Variants in GRSF1 observed in about 807,000 individuals in gnomAD.
GRSF1 encodes G-rich RNA sequence binding factor 1.
A neutral mutation model predicts 51.1 loss-of-function variants in GRSF1; 50 were observed. That is an observed-to-expected ratio of 0.98 (90% CI 0.78 to 1.24). GRSF1 has a LOEUF of 1.24. Among genes scored for constraint, GRSF1 ranks in the 50% most tolerant of loss-of-function variants. The pLI is 0.00. For synonymous variants in GRSF1, 293 were observed against 253.3 expected, an observed-to-expected ratio of 1.16 and a Z score of -1.49; for missense variants, 700 against 639.7, an observed-to-expected ratio of 1.09 and a Z score of -1.02.
At chr4:70,823,402 A>T (rs1733600659) in intron 9 of GRSF1, among the ~76,000 whole-genome samples, 1 of 152,014 alleles carries the variant, frequency 6.6e-6, no homozygotes, top group African/African-American at 2.4e-5. Context: ...CATCTCACAA[A>T]AAATAAATAA....
chr4:70,835,832 T>TGTG (rs1441023555), intron 2 of GRSF1, among the ~76,000 whole-genome samples: 1 of 152,174 alleles, frequency 6.6e-6, no homozygotes, highest in African/African-American at 2.4e-5. Context: ...TGTTGCCCAG[T>TGTG]GTGGTATGGA....
At position 70,831,689 on chromosome 4, in the gene GRSF1, G is replaced by A. The variant is rs984703276; in HGVS notation, c.815-15C>T. The A allele has an allele frequency of 6.3e-7, 1 of 1,596,894 alleles. No homozygotes were observed. The highest frequency in any genetic ancestry group is 1.4e-5 in the African/African-American group (1 of 73,932). On this transcript the variant is annotated splice_polypyrimidine_tract_variant and intron_variant, in intron 4 of 9. Coordinates refer to ENST00000254799, the MANE Select transcript of GRSF1 (RefSeq NM_002092.4). Reference sequence around the variant, plus strand: ...TATATTCAGTCCTAGGACACCAAGAGATTTTAATGCTACTAGCAGGCTTTT... The same window carrying A: ...TATATTCAGTCCTAGGACACCAAGAAATTTTAATGCTACTAGCAGGCTTTT...
rs6813092 is a variant in GRSF1, at chr4:70,839,545, A to G, written c.283T>C (p.Ser95Pro). Residue 95 changes from serine (S) to proline (P), a missense_variant, in exon 1 of 10, where the codon TCT (serine) becomes CCT (proline). By Grantham distance (74) the Ser-to-Pro change is moderately conservative (BLOSUM62 -1). Coordinates refer to ENST00000254799, the MANE Select transcript of GRSF1 (RefSeq NM_002092.4). ...SAAAAAAASY[S>P]ALRASLLPQS... Reference sequence around the variant, plus strand: ...GGCAGCAGAGAGGCACGGAGGGCAGAGTAGGACGCGGCGGCCGCGGCCGCG... The same window carrying G: ...GGCAGCAGAGAGGCACGGAGGGCAGGGTAGGACGCGGCGGCCGCGGCCGCG... The G allele has an allele frequency of 1, 1,445,620 of 1,448,464 alleles. 721,428 individuals carry two copies. The highest frequency in any genetic ancestry group is 1 in the Non-Finnish European group (1,105,866 of 1,105,892). The allele number at this position is 1,448,464 out of a possible 1,614,324, so 89.7% of individuals were successfully genotyped here. A position where few individuals can be genotyped will look rare whatever the true frequency, so the allele number is the denominator to read the frequency against.
At position 70,839,669 on chromosome 4, in the gene GRSF1, GAGC is replaced by G. The variant is rs746654743; in HGVS notation, c.156_158del (p.Leu53del). The G allele has an allele frequency of 6.5e-5, 93 of 1,424,044 alleles. No homozygotes were observed. The highest frequency in any genetic ancestry group is 4.4e-4 in the Admixed American group (14 of 31,578). 88.2% of individuals were successfully genotyped at this position (1,424,044 alleles called of 1,614,324 possible). ...GGGAGGCAGCGGCCGCGGCGGCCCC[GAGC>G]AGCAGCAGCAGGCGGCGGCGGCCCG... On this transcript the variant is annotated inframe_deletion, in exon 1 of 10. Coordinates refer to ENST00000254799, the MANE Select transcript of GRSF1 (RefSeq NM_002092.4).
At chr4:70,833,913 C>T (rs997726859) in intron 2 of GRSF1, among the ~76,000 whole-genome samples, 2 of 152,174 alleles carry the variant, frequency 1.3e-5, no homozygotes, top group African/African-American at 2.4e-5. Flanking sequence ...ACCAGGCTCA[C>T]TCTGGGCATA....
chr4:70,831,355 CAA>C (rs113560902), intron 5 of GRSF1, among the ~76,000 whole-genome samples, 182 bp downstream of exon 5: 27 of 115,002 alleles, frequency 2.3e-4, no homozygotes, highest in Admixed American at 2.7e-4. Flanking sequence ...AACTCTGTCT[CAA>C]AAAAAAAAAA....
chr4:70,831,313 C>T (rs1733956817), intron 5 of GRSF1, among the ~76,000 whole-genome samples: 1 of 151,766 alleles, frequency 6.6e-6, no homozygotes, highest in African/African-American at 2.4e-5. Flanking sequence ...CAAGATCGTG[C>T]CATTGCACTC....
intron 2 of GRSF1, among the ~76,000 whole-genome samples, chr4:70,834,540 T>C (rs1488527638): frequency 6.6e-6 from 1 of 152,200 alleles, no homozygotes; most frequent in Non-Finnish European, 1.5e-5. Flanking sequence ...TGTATAGGAC[T>C]GCTACATAGG....
At chr4:70,827,755 G>A (rs1733793183) in intron 6 of GRSF1, 97 bp downstream of exon 6, 1 of 827,894 alleles carries the variant, frequency 1.2e-6, no homozygotes, top group Admixed American at 2.4e-5. Flanking sequence ...CTCCAGCCTG[G>A]CAACAGAGCG....
chr4:70,838,653 G>C (rs1419168626), intron 1 of GRSF1, among the ~76,000 whole-genome samples: 1 of 152,100 alleles, frequency 6.6e-6, no homozygotes, highest in Admixed American at 6.6e-5. Context: ...GAAGAGAAAG[G>C]TTCATCTACA....
At chr4:70,822,314 G>A (rs1472779905) in intron 9 of GRSF1, among the ~76,000 whole-genome samples, 2 of 152,136 alleles carry the variant, frequency 1.3e-5, no homozygotes, top group African/African-American at 4.8e-5. Flanking sequence ...TGGGCGTGGT[G>A]GCTCACACCT....
chr4:70,839,916 G>T (rs1734403273), upstream of GRSF1: 1 of 1,261,036 alleles, frequency 7.9e-7, no homozygotes, highest in Non-Finnish European at 1.0e-6. Context: ...TTGGGGGTGG[G>T]GTGTGCCTGG....
chr4:70,841,130 T>C (rs559210821), upstream of GRSF1, among the ~76,000 whole-genome samples: 1 of 152,062 alleles, frequency 6.6e-6, no homozygotes, highest in African/African-American at 2.4e-5. Flanking sequence ...ACCCCGTCTA[T>C]ACAAAAAATA....
At chr4:70,836,962 T>C (rs149071953) in intron 1 of GRSF1, among the ~76,000 whole-genome samples, 1 of 152,332 alleles carries the variant, frequency 6.6e-6, no homozygotes, top group African/African-American at 2.4e-5. Context: ...AAGAGGTTGG[T>C]ACCATAGAGC....
chr4:70,835,581 C>T (rs1386470922), intron 2 of GRSF1, among the ~76,000 whole-genome samples: 4 of 151,308 alleles, frequency 2.6e-5, no homozygotes, highest in South Asian at 2.1e-4. Flanking sequence ...CTCAGCCTCC[C>T]AAGTAGCTGG....
Position 70,839,799 on chromosome 4 carries a change from G to A in GRSF1, c.29C>T (p.Ala10Val). 6.6e-7 allele frequency: 1 copy of A among 1,504,274 alleles called. No homozygotes were observed. 93.2% of individuals were successfully genotyped at this position (1,504,274 alleles called of 1,614,324 possible). Reference protein sequence around the residue: MAGTRWVLGALLRGCGCNCS... With the variant: MAGTRWVLGVLLRGCGCNCS... ...GTTACAGCCGCAGCCCCGGAGCAGC[G>A]CCCCGAGTACCCAGCGCGTGCCGGC... Residue 10 changes from alanine to valine, a missense_variant, in exon 1 of 10, where the codon GCG (alanine) becomes GTG (valine). Coordinates refer to ENST00000254799, the MANE Select transcript of GRSF1 (RefSeq NM_002092.4).
chr4:70,833,962 A>C (rs1004875625), intron 2 of GRSF1, among the ~76,000 whole-genome samples: 2 of 152,176 alleles, frequency 1.3e-5, no homozygotes, highest in Admixed American at 6.5e-5. Flanking sequence ...GGAGCAGCTA[A>C]AAAAATTAAT....
At chr4:70,827,708 G>A in intron 6 of GRSF1, 144 bp downstream of exon 6, 1 of 625,616 alleles carries the variant, frequency 1.6e-6, no homozygotes, top group South Asian at 2.0e-5. Context: ...GAACCCAGGA[G>A]GTAGAGGCTG....
In GRSF1 at chr4:70,836,161, A is replaced by G; in HGVS notation, c.511T>C (p.Ser171Pro). Reference sequence around the variant, plus strand: ...ATAAAACATACATAAAATATACCTGAAAAAAAGTTAAGCACATCTTCCATA... The same window carrying G: ...ATAAAACATACATAAAATATACCTGGAAAAAAGTTAAGCACATCTTCCATA... ...CTMEDVLNFF[S>P]DCRIRNGENG... The change falls in exon 2 of 10, where the codon TCA becomes CCA. Residue 171 changes from serine to proline, a missense_variant. Transcript: ENST00000254799. 2 of 1,512,940 alleles carry G rather than the reference A, an allele frequency of 1.3e-6. No homozygotes were observed. The highest frequency in any genetic ancestry group is 1.4e-5 in the African/African-American group (1 of 70,246). The allele number at this position is 1,512,940 out of a possible 1,614,324, so 93.7% of individuals were successfully genotyped here. A position where few individuals can be genotyped will look rare whatever the true frequency, so the allele number is the denominator to read the frequency against.
Sources: gnomAD v4.1 joint callset for allele counts (sites outside exome capture counted in the v4.1 genomes callset) on GRCh38, gnomAD v4.1.1 for gene constraint, MANE v1.5 for transcripts, NCBI Gene and HGNC (gene_info 2026-07-23, HGNC 2026-07-21) for gene names.